UNC13C: variants seen among roughly 807,000 people sequenced by gnomAD.
UNC13C encodes protein unc-13 homolog C.
A neutral mutation model predicts 245.4 loss-of-function variants in UNC13C; 174 were observed. The ratio of observed to expected loss-of-function variants is 0.71; its 90% CI spans 0.63 to 0.80. The LOEUF (loss-of-function observed/expected upper bound fraction) is 0.80, where lower values mean the gene tolerates loss of function less well. UNC13C is among the 30% of genes least tolerant of loss of function. UNC13C has a pLI of 0.00. For missense variants in UNC13C, 2,829 were observed against 2,602.9 expected (o/e 1.09, Z -1.89); for synonymous variants, 992 against 895.1 (o/e 1.11, Z -1.93).
At chr15:54,595,887 T>C (rs1164904062) in intron 30 of UNC13C, among the ~76,000 whole-genome samples, 1 of 152,196 alleles carries the variant, frequency 6.6e-6, no homozygotes. Flanking sequence ...AAAGTAATTT[T>C]CCATTCATTA....
chr15:54,011,049 T>A (rs1317443303), intron 1 of UNC13C, among the ~76,000 whole-genome samples: 1 of 151,796 alleles, frequency 6.6e-6, no homozygotes, highest in African/African-American at 2.4e-5. Context: ...GGTTTTGGAG[T>A]TTAAACATAA....
chr15:54,185,075 A>G (rs537693348), intron 4 of UNC13C, among the ~76,000 whole-genome samples: 1 of 152,134 alleles, frequency 6.6e-6, no homozygotes, highest in Non-Finnish European at 1.5e-5. Context: ...TCTTTTGAGA[A>G]GTGTCCATTC....
rs1023572981 is a variant in UNC13C at position 54,264,356 on chromosome 15, G to T, written c.3637G>T (p.Asp1213Tyr). The T allele has an allele frequency of 3.7e-6, 6 of 1,604,612 alleles. No individual in the cohort carries two copies. The highest frequency in any genetic ancestry group is 5.1e-6 in the Non-Finnish European group (6 of 1,175,180). Residue 1213 changes from aspartate (D) to tyrosine (Y), a missense_variant, in exon 9 of 33, where the codon GAT becomes TAT. Asp to Tyr is a radical substitution (Grantham distance 160). Coordinates refer to ENST00000260323, the MANE Select transcript of UNC13C (RefSeq NM_001080534.3). The stretch of plus-strand genomic sequence containing the variant: ...AAAGGCGGCCAAACAGAGTGTACTG[G>T]ATGGGACATCTAAGTGGTCTGCAAA... ...FTKAAKQSVL[D>Y]GTSKWSAKIT...
intron 25 of UNC13C, among the ~76,000 whole-genome samples, chr15:54,531,737 A>T (rs893503805): frequency 6.6e-6 from 1 of 151,960 alleles, no homozygotes; most frequent in Admixed American, 6.6e-5. Flanking sequence ...TTTCTAGCAT[A>T]TTCACGGAAT....
chr15:54,533,901 A>C (rs2141153714), intron 26 of UNC13C, among the ~76,000 whole-genome samples: 1 of 152,342 alleles, frequency 6.6e-6, no homozygotes, highest in South Asian at 2.1e-4. Context: ...CTGAATGTAC[A>C]AGAGAAAAGT....
intron 2 of UNC13C, among the ~76,000 whole-genome samples, chr15:54,065,434 C>T (rs1197587318): frequency 6.6e-6 from 1 of 152,190 alleles, no homozygotes; most frequent in Admixed American, 6.5e-5. Context: ...GATAATGAAC[C>T]ATGCTAAGGT....
At chr15:54,540,044 T>C (rs1469030490) in intron 26 of UNC13C, among the ~76,000 whole-genome samples, 1 of 152,052 alleles carries the variant, frequency 6.6e-6, no homozygotes, top group Non-Finnish European at 1.5e-5. Context: ...ATTGCAGAAA[T>C]CCTCAGGGCT....
chr15:53,926,843 G>T, the UNC13C span, among the ~76,000 whole-genome samples: 2 of 152,196 alleles, frequency 1.3e-5, no homozygotes, highest in African/African-American at 4.8e-5. Context: ...GGAACGGCAG[G>T]ACAGGATCAG....
At chr15:54,593,850 G>T (rs1321313062) in intron 30 of UNC13C, among the ~76,000 whole-genome samples, 3 of 152,052 alleles carry the variant, frequency 2.0e-5, no homozygotes, top group Non-Finnish European at 2.9e-5. Flanking sequence ...TTTCTTCTTG[G>T]TTTAGATCCA....
chr15:54,595,362 CTCTT>C (rs1414932701), intron 30 of UNC13C, among the ~76,000 whole-genome samples: 1 of 152,118 alleles, frequency 6.6e-6, no homozygotes, highest in African/African-American at 2.4e-5. Context: ...CCCAGAAACT[CTCTT>C]TCCCACAAAG....
intron 14 of UNC13C, among the ~76,000 whole-genome samples, chr15:54,325,732 G>A (rs567216792): frequency 6.6e-6 from 1 of 152,132 alleles, no homozygotes; most frequent in African/African-American, 2.4e-5. Context: ...CCTTAAGTCT[G>A]TATTAACTTT....
At chr15:53,961,698 T>C in the UNC13C span, among the ~76,000 whole-genome samples, 2 of 152,214 alleles carry the variant, frequency 1.3e-5, no homozygotes, top group African/African-American at 2.4e-5. Flanking sequence ...TTTTTAGCCA[T>C]TGAATAATAT....
intron 8 of UNC13C, among the ~76,000 whole-genome samples, chr15:54,252,225 A>T (rs2036170092): frequency 6.6e-6 from 1 of 151,862 alleles, no homozygotes; most frequent in Non-Finnish European, 1.5e-5. Context: ...TGCCACTCAT[A>T]CCTACGAAAT....
At chr15:54,089,103 T>C (rs1017144137) in intron 2 of UNC13C, among the ~76,000 whole-genome samples, 2 of 152,218 alleles carry the variant, frequency 1.3e-5, no homozygotes, top group African/African-American at 4.8e-5. Flanking sequence ...GCCTCTTTCA[T>C]GCCTCCTGCA....
intron 23 of UNC13C, among the ~76,000 whole-genome samples, chr15:54,511,198 C>G (rs1175775472): frequency 6.6e-6 from 1 of 151,992 alleles, no homozygotes; most frequent in Non-Finnish European, 1.5e-5. Context: ...AAAGAACGCT[C>G]TAACCTGAAT....
chr15:54,227,623 C>T (rs1218455046), intron 4 of UNC13C, among the ~76,000 whole-genome samples: 1 of 152,226 alleles, frequency 6.6e-6, no homozygotes, highest in Non-Finnish European at 1.5e-5. Flanking sequence ...GCATTCCAGG[C>T]TTGGCTTCAG....
At position 54,395,293 on chromosome 15, in the gene UNC13C, A is replaced by T. The variant is rs76042787; in HGVS notation, c.4847+2112A>T. Among the ~76,000 whole-genome samples the T allele has an allele frequency of 4.8e-3, 726 of 151,922 alleles. 30 individuals carry two copies. The East Asian group carries it at 0.091, about 19-fold the overall frequency. On this transcript the variant is annotated intron_variant, in intron 18 of 32. Transcript: ENST00000260323. ...TGGTGAGATTTCATTTATATCTGTT[A>T]CTTTGTTTGAATACTGCATCGTCAC...
intron 28 of UNC13C, among the ~76,000 whole-genome samples, chr15:54,554,987 TAAG>T (rs1566907089): frequency 6.6e-6 from 1 of 152,068 alleles, no homozygotes; most frequent in Non-Finnish European, 1.5e-5. Flanking sequence ...TGAGGGCATC[TAAG>T]AAGAAGAATA....
At chr15:54,067,701 G>A (rs1023087385) in intron 2 of UNC13C, among the ~76,000 whole-genome samples, 1 of 152,188 alleles carries the variant, frequency 6.6e-6, no homozygotes, top group African/African-American at 2.4e-5. Flanking sequence ...GAAGATGCTA[G>A]GGGATATTCA....
Sources: gnomAD v4.1 joint callset for allele counts (sites outside exome capture counted in the v4.1 genomes callset) on GRCh38, gnomAD v4.1.1 for gene constraint, MANE v1.5 for transcripts, NCBI Gene and HGNC (gene_info 2026-07-23, HGNC 2026-07-21) for gene names.